The following DIAPH1 variants were observed in gnomAD, a reference collection of about 807,000 sequenced individuals.
DIAPH1 encodes the protein protein diaphanous homolog 1.
In DIAPH1, 46 loss-of-function variants were observed where a neutral mutation model predicts 140.7. That is an observed-to-expected ratio of 0.33 (90% CI 0.26 to 0.42). The LOEUF (loss-of-function observed/expected upper bound fraction) is 0.42. DIAPH1 is among the 10% of genes least tolerant of loss of function. The pLI is 1.00. For missense variants in DIAPH1, 1,310 were observed against 1,558.7 expected (o/e 0.84, Z 2.69); for synonymous variants, 565 against 551.6 (o/e 1.02, Z -0.34).
At position 141,576,213 on chromosome 5, in the gene DIAPH1, T is replaced by TG. The variant is rs746369756; in HGVS notation, c.1461+16dup. The TG allele has an allele frequency of 1.9e-6, 3 of 1,580,588 alleles. No individual in the cohort carries two copies. The highest frequency in any genetic ancestry group is 4.5e-5 in the East Asian group (2 of 44,794). On this transcript the variant is annotated intron_variant, in intron 14 of 27. Transcript: ENST00000389054. ...AAAGATATACTCAAACACATGTCTT[T>TG]GGTCTCTCATATGCACCTTCTTTTC...
intron 18 of DIAPH1, among the ~76,000 whole-genome samples, chr5:141,545,200 G>T (rs1484064110): frequency 6.6e-6 from 1 of 152,172 alleles, no homozygotes; most frequent in African/African-American, 2.4e-5. Context: ...TTTTTGGAGT[G>T]ACTGTGATTA....
intron 27 of DIAPH1, chr5:141,519,133 C>A: frequency 1.2e-6 from 1 of 812,442 alleles, no homozygotes; most frequent in Admixed American, 2.1e-5. Flanking sequence ...AAACTAATGC[C>A]CCGTGACTGA....
rs377314966 is a variant in DIAPH1, at chr5:141,529,287, G to C, written c.2677-14C>G. The C allele has an allele frequency of 2.3e-4, 374 of 1,606,676 alleles. No individual in the cohort carries two copies. The highest frequency in any genetic ancestry group is 2.8e-4 in the Non-Finnish European group (332 of 1,173,284). On this transcript the variant is annotated splice_polypyrimidine_tract_variant and intron_variant, in intron 20 of 27. Transcript: ENST00000389054. ...CTTAATGAGGTTCTGAAAGACAGAAGAGACATCTCAGCTGGAGGGGAATTC... is the reference window on the plus strand; with the variant it reads ...CTTAATGAGGTTCTGAAAGACAGAACAGACATCTCAGCTGGAGGGGAATTC...
chr5:141,573,158 C>T (rs996931609), intron 16 of DIAPH1, among the ~76,000 whole-genome samples: 9 of 151,970 alleles, frequency 5.9e-5, no homozygotes, highest in South Asian at 2.1e-4. Flanking sequence ...ACTGGTGGGC[C>T]GGGCGCGGTG....
At chr5:141,549,543 T>C (rs1184045045) in intron 18 of DIAPH1, among the ~76,000 whole-genome samples, 1 of 152,190 alleles carries the variant, frequency 6.6e-6, no homozygotes, top group African/African-American at 2.4e-5. Context: ...CAAAGTTAAC[T>C]GACATGTTAG....
rs749220748 is a variant in DIAPH1, at chr5:141,577,543, T to C, written c.1212A>G (p.Ser404=). ...FQILLNTVKD[S]KAEPHFLSIL... ...TGGAAAGGAAGTGTGGCTCTGCCTT[T>C]GAATCCTTCACTGTGTTTAAGAGAA... Residue 404 remains serine, a synonymous_variant, in exon 12 of 28, where the codon TCA becomes TCG. Transcript: ENST00000389054. 4.3e-6 allele frequency: 7 copies of C among 1,614,014 alleles called. No individual in the cohort carries two copies. The highest frequency in any genetic ancestry group is 2.2e-5 in the East Asian group (1 of 44,862).
chr5:141,555,052 A>AT (rs2099892352), intron 18 of DIAPH1, among the ~76,000 whole-genome samples: 1 of 152,140 alleles, frequency 6.6e-6, no homozygotes, highest in Admixed American at 6.5e-5. Context: ...TTCCTTTTAA[A>AT]TTTTTTGAAA....
At chr5:141,584,391 T>A (rs1227118070) in intron 3 of DIAPH1, among the ~76,000 whole-genome samples, 166 bp from the exon 4 acceptor site, 3 of 152,220 alleles carry the variant, frequency 2.0e-5, no homozygotes, top group African/African-American at 7.2e-5. Flanking sequence ...TGATGAAAAT[T>A]CCTCAAAGAT....
intron 18 of DIAPH1, among the ~76,000 whole-genome samples, chr5:141,569,607 C>T (rs1349403413): frequency 6.6e-6 from 1 of 151,814 alleles, no homozygotes; most frequent in Non-Finnish European, 1.5e-5. Context: ...TACAAAAATA[C>T]AAAAATTAGC....
intron 1 of DIAPH1, among the ~76,000 whole-genome samples, chr5:141,591,939 G>A (rs969080869): frequency 3.3e-5 from 5 of 150,252 alleles, no homozygotes; most frequent in Middle Eastern, 3.2e-3. Context: ...AAAATTAGAC[G>A]GGTGTGGTGG....
chr5:141,527,477 A>G (rs2099887546), intron 24 of DIAPH1, 96 bp downstream of exon 24: 1 of 1,380,610 alleles, frequency 7.2e-7, no homozygotes, highest in Non-Finnish European at 1.0e-6. Flanking sequence ...AAGAGAAAAA[A>G]ATTGCATACT....
chr5:141,548,936 G>A (rs1345956466), intron 18 of DIAPH1, among the ~76,000 whole-genome samples: 1 of 152,112 alleles, frequency 6.6e-6, no homozygotes, highest in Non-Finnish European at 1.5e-5. Context: ...CTCACTAGGA[G>A]GATAGTAAAA....
chr5:141,605,894 T>A (rs2099900856), intron 1 of DIAPH1, among the ~76,000 whole-genome samples: 1 of 152,118 alleles, frequency 6.6e-6, no homozygotes, highest in Admixed American at 6.5e-5. Context: ...GACCTAGAAG[T>A]AAGTAACGAA....
At chr5:141,517,890 T>C (rs954065358) in intron 27 of DIAPH1, among the ~76,000 whole-genome samples, 9 of 152,224 alleles carry the variant, frequency 5.9e-5, no homozygotes, top group Non-Finnish European at 7.3e-5. Flanking sequence ...TATTCATTTA[T>C]GGTATCTAGG....
chr5:141,572,927 G>C (rs935003241), intron 16 of DIAPH1, among the ~76,000 whole-genome samples: 1 of 152,164 alleles, frequency 6.6e-6, no homozygotes, highest in African/African-American at 2.4e-5. Context: ...GGTATTCACA[G>C]CCTCAGAGAA....
At chr5:141,616,316 C>T (rs1182185534) in intron 1 of DIAPH1, among the ~76,000 whole-genome samples, 1 of 152,208 alleles carries the variant, frequency 6.6e-6, no homozygotes, top group Non-Finnish European at 1.5e-5. Flanking sequence ...AGGTATGTAG[C>T]AGCTAAAGGA....
At chr5:141,580,592 T>C in intron 8 of DIAPH1, 152 bp downstream of exon 8, 1 of 773,532 alleles carries the variant, frequency 1.3e-6, no homozygotes, top group Non-Finnish European at 2.2e-6. Context: ...TGTTCTTAAA[T>C]TTTAAGATGC....
At chr5:141,530,397 C>T (rs2099888030) in intron 19 of DIAPH1, among the ~76,000 whole-genome samples, 1 of 152,162 alleles carries the variant, frequency 6.6e-6, no homozygotes, top group Non-Finnish European at 1.5e-5. Context: ...TATTATTACT[C>T]CTACTATTAC....
At chr5:141,604,939 TAA>T (rs1289273408) in intron 1 of DIAPH1, among the ~76,000 whole-genome samples, 1 of 152,176 alleles carries the variant, frequency 6.6e-6, no homozygotes. Context: ...ACCAGAAATA[TAA>T]GTGTTAAAAT....
Sources: allele counts gnomAD v4.1 joint callset (sites outside exome capture counted in the v4.1 genomes callset), GRCh38; gene constraint gnomAD v4.1.1; transcripts MANE v1.5; gene names NCBI Gene and HGNC (gene_info 2026-07-23, HGNC 2026-07-21).